GABBR2: variants seen among roughly 807,000 people sequenced by gnomAD.
GABBR2 encodes the protein gamma-aminobutyric acid type B receptor subunit 2.
GABBR2 carries 23 observed loss-of-function variants against 105.6 expected under a neutral mutation model. The observed-to-expected ratio is 0.22, with a 90% confidence interval of 0.16 to 0.31. The LOEUF (loss-of-function observed/expected upper bound fraction) is 0.31, where lower values mean the gene tolerates loss of function less well. Among genes scored for constraint, GABBR2 ranks in the 10% least tolerant of loss-of-function variants. The pLI, the probability that GABBR2 is intolerant of heterozygous loss-of-function variation, is 1.00. For missense variants in GABBR2, 734 were observed against 1,245.5 expected (o/e 0.59, Z 6.18); for synonymous variants, 478 against 499.7 (o/e 0.96, Z 0.58).
chr9:98,321,570 C>T (rs1180583471), intron 13 of GABBR2, among the ~76,000 whole-genome samples: 3 of 152,168 alleles, frequency 2.0e-5, no homozygotes, highest in Admixed American at 1.3e-4. Flanking sequence ...CAAGCCTGAC[C>T]TACCAGCAGC....
intron 1 of GABBR2, among the ~76,000 whole-genome samples, chr9:98,649,517 T>A (rs1210414326): frequency 2.0e-5 from 3 of 152,196 alleles, no homozygotes; most frequent in Non-Finnish European, 4.4e-5. Flanking sequence ...CTCAACAATG[T>A]CTTCATTTTC....
chr9:98,362,026 TAG>T (rs1831594391), intron 13 of GABBR2, among the ~76,000 whole-genome samples: 1 of 152,164 alleles, frequency 6.6e-6, no homozygotes, highest in Non-Finnish European at 1.5e-5. Flanking sequence ...CTTATTTTCT[TAG>T]AGTTTGTTAC....
intron 6 of GABBR2, among the ~76,000 whole-genome samples, chr9:98,462,938 G>T (rs1021929440): frequency 6.6e-6 from 1 of 152,102 alleles, no homozygotes; most frequent in Non-Finnish European, 1.5e-5. Context: ...GCTCAGGCTG[G>T]AATGCAGTGA....
At position 98,468,353 on chromosome 9, in the gene GABBR2, AG is replaced by A. The variant is rs373809526; in HGVS notation, c.999+4792del. On this transcript the variant is annotated intron_variant, in intron 6 of 18. Transcript: ENST00000259455. ...CTTTTCTGTGACTTTGTCTATCGGGAGTCAGCTGTATCCTGGGAGATCTGAC... is the reference window on the plus strand; with the variant it reads ...CTTTTCTGTGACTTTGTCTATCGGGATCAGCTGTATCCTGGGAGATCTGAC... Among the ~76,000 whole-genome samples the A allele has an allele frequency of 6.6e-3, 1,010 of 152,296 alleles. 4 individuals are homozygous for A. The highest frequency in any genetic ancestry group is 0.054 in the Middle Eastern group (16 of 294).
chr9:98,444,505 G>A (rs575055407), intron 7 of GABBR2, among the ~76,000 whole-genome samples: 1 of 152,308 alleles, frequency 6.6e-6, no homozygotes, highest in African/African-American at 2.4e-5. Flanking sequence ...CTGGGATACA[G>A]TAGGAGCTCG....
intron 7 of GABBR2, among the ~76,000 whole-genome samples, chr9:98,423,041 T>C (rs530131429): frequency 5.9e-5 from 9 of 152,318 alleles, no homozygotes; most frequent in African/African-American, 2.2e-4. Context: ...TTCCAAGTCT[T>C]TGCTATTGTG....
intron 12 of GABBR2, among the ~76,000 whole-genome samples, chr9:98,370,317 A>G (rs919014113): frequency 1.3e-5 from 2 of 152,170 alleles, no homozygotes; most frequent in Non-Finnish European, 2.9e-5. Context: ...ACCTGCATCA[A>G]GAGGACGGCA....
rs1311532013 is a variant in GABBR2, at chr9:98,306,586, C to G, written c.2005-241G>C. The G allele has an allele frequency of 3.6e-6, 2 of 555,582 alleles. No homozygotes were observed. The highest frequency in any genetic ancestry group is 6.5e-6 in the Non-Finnish European group (2 of 308,768). The allele number at this position is 555,582 out of a possible 1,614,324, so 34.4% of individuals were successfully genotyped here. ...TGACAGCTGTCCAGTTCTCCTGCAC[C>G]CCTATGACTGGTTCATGCACAGACC... On this transcript the variant is annotated intron_variant, in intron 14 of 18. Coordinates refer to ENST00000259455, the MANE Select transcript of GABBR2 (RefSeq NM_005458.8). This position sits in a 1 kb window ranked among gnomAD's most constrained non-coding sequence, Gnocchi z 5.4.
At chr9:98,655,063 A>C (rs1452009959) in intron 1 of GABBR2, among the ~76,000 whole-genome samples, 1 of 152,204 alleles carries the variant, frequency 6.6e-6, no homozygotes, top group Non-Finnish European at 1.5e-5. Flanking sequence ...GGAGACAATA[A>C]AAAGATCGGT....
intron 3 of GABBR2, among the ~76,000 whole-genome samples, chr9:98,510,237 A>G (rs1827608708): frequency 6.6e-6 from 1 of 152,216 alleles, no homozygotes; most frequent in Non-Finnish European, 1.5e-5. Context: ...TTTTGTCACC[A>G]CCAGGCCTGC....
chr9:98,535,026 G>A (rs913272320), intron 3 of GABBR2, among the ~76,000 whole-genome samples: 2 of 152,070 alleles, frequency 1.3e-5, no homozygotes, highest in Admixed American at 6.6e-5. Context: ...CCTGACAATG[G>A]ATACAGTTGA....
intron 1 of GABBR2, among the ~76,000 whole-genome samples, chr9:98,640,216 T>G (rs568172675): frequency 6.6e-6 from 1 of 151,582 alleles, no homozygotes; most frequent in South Asian, 2.1e-4. Flanking sequence ...AGGGTCTTAT[T>G]CACTTTTGGA....
At chr9:98,560,972 G>A (rs537459092) in intron 2 of GABBR2, among the ~76,000 whole-genome samples, 60 of 151,796 alleles carry the variant, frequency 4.0e-4, no homozygotes, top group African/African-American at 1.4e-3. Context: ...TTATGAAAAC[G>A]AACAATAATT....
intron 13 of GABBR2, among the ~76,000 whole-genome samples, chr9:98,315,243 G>T (rs965493328): frequency 6.6e-6 from 1 of 152,114 alleles, no homozygotes; most frequent in Non-Finnish European, 1.5e-5. Flanking sequence ...AAACAAACAC[G>T]ATGGGTCCAC....
intron 10 of GABBR2, among the ~76,000 whole-genome samples, chr9:98,386,059 T>A (rs567044890): frequency 6.6e-6 from 1 of 152,198 alleles, no homozygotes; most frequent in Non-Finnish European, 1.5e-5. Context: ...CTGTTTGTCC[T>A]TCACTAAAAG....
At chr9:98,549,572 C>T (rs748513476) in intron 2 of GABBR2, among the ~76,000 whole-genome samples, 6 of 152,204 alleles carry the variant, frequency 3.9e-5, no homozygotes, top group Non-Finnish European at 5.9e-5. Flanking sequence ...CATCAAACTG[C>T]TCTCTAATGT....
chr9:98,453,826 T>G (rs1826277231), intron 7 of GABBR2, among the ~76,000 whole-genome samples, 155 bp downstream of exon 7: 2 of 152,210 alleles, frequency 1.3e-5, no homozygotes, highest in African/African-American at 4.8e-5. Context: ...CCCTGCCCCT[T>G]GTCTGAACAG....
At chr9:98,595,699 G>C (rs1437741134) in intron 1 of GABBR2, among the ~76,000 whole-genome samples, 1 of 151,632 alleles carries the variant, frequency 6.6e-6, no homozygotes, top group Non-Finnish European at 1.5e-5. Flanking sequence ...AAATCAAAAT[G>C]AAACTAAATA....
chr9:98,299,451 C>T (rs1476630402), intron 16 of GABBR2, 98 bp from the exon 17 acceptor site: 13 of 1,349,522 alleles, frequency 9.6e-6, no homozygotes, highest in Middle Eastern at 2.5e-4. Flanking sequence ...GGGCCTTTAC[C>T]TGTATTCAGG....
Sources: allele counts gnomAD v4.1 joint callset (sites outside exome capture counted in the v4.1 genomes callset), GRCh38; gene constraint gnomAD v4.1.1; non-coding constraint Gnocchi (gnomAD v3.1); transcripts MANE v1.5; gene names NCBI Gene and HGNC (gene_info 2026-07-23, HGNC 2026-07-21).